The following MEI1 variants were observed in gnomAD, a reference collection of about 807,000 sequenced individuals.
MEI1 encodes the protein meiotic double-stranded break formation protein 1, also known as meiosis inhibitor protein 1.
A neutral mutation model predicts 146.2 loss-of-function variants in MEI1; 103 were observed. The observed-to-expected ratio is 0.70, with a 90% CI of 0.60 to 0.83. The LOEUF is 0.83. MEI1 is among the 40% of genes least tolerant of loss of function. The pLI, the probability that MEI1 is intolerant of heterozygous loss-of-function variation, is 0.00. For synonymous variants in MEI1, 652 were observed against 628.2 expected (o/e 1.04, Z -0.57); for missense variants, 1,529 against 1,533.0 (o/e 1.00, Z 0.04).
chr22:41,775,978 G>T (rs935528370), intron 20 of MEI1, 124 bp from the exon 21 acceptor site: 95 of 942,710 alleles, frequency 1.0e-4, no homozygotes, highest in Middle Eastern at 4.5e-4. Context: ...CTGAGTAAGT[G>T]ACAGATTACC....
intron 11 of MEI1, among the ~76,000 whole-genome samples, chr22:41,741,502 T>A (rs1315897722): frequency 6.6e-6 from 1 of 152,182 alleles, no homozygotes; most frequent in Non-Finnish European, 1.5e-5. Context: ...CTCTTCTGAG[T>A]CTATAGAATC....
At chr22:41,708,445 T>C (rs2069270587) in intron 3 of MEI1, among the ~76,000 whole-genome samples, 1 of 152,082 alleles carries the variant, frequency 6.6e-6, no homozygotes, top group Admixed American at 6.6e-5. Context: ...CCAGCTTTAT[T>C]AAAGATACTT....
intron 15 of MEI1, 116 bp downstream of exon 15, chr22:41,748,334 CTG>C: frequency 1.4e-6 from 1 of 720,412 alleles, no homozygotes; most frequent in Non-Finnish European, 2.5e-6. Flanking sequence ...CATTCAGAAT[CTG>C]TATCTATTCT....
chr22:41,756,805 C>A (rs989672687), intron 17 of MEI1, among the ~76,000 whole-genome samples: 16 of 152,214 alleles, frequency 1.1e-4, no homozygotes, highest in African/African-American at 3.6e-4. Flanking sequence ...TTAAAATATT[C>A]TTTCTTTTAT....
At chr22:41,738,806 T>TAGATA (rs2072609799) in intron 11 of MEI1, among the ~76,000 whole-genome samples, 1 of 40,204 alleles carries the variant, frequency 2.5e-5, no homozygotes, top group African/African-American at 3.1e-4. Flanking sequence ...AGTAATAAAA[T>TAGATA]AAATAAATAA....
chr22:41,786,388 A>G (rs1010730817), intron 26 of MEI1, among the ~76,000 whole-genome samples: 14 of 152,124 alleles, frequency 9.2e-5, no homozygotes, highest in Non-Finnish European at 1.8e-4. Context: ...ACAAAACTCA[A>G]TTTGGCTTAT....
intron 3 of MEI1, among the ~76,000 whole-genome samples, chr22:41,713,487 A>AG (rs955789168): frequency 4.0e-5 from 6 of 151,204 alleles, no homozygotes; most frequent in African/African-American, 1.2e-4. Context: ...TCAAAAGAAA[A>AG]AAAAAAAAGA....
intron 17 of MEI1, 145 bp downstream of exon 17, chr22:41,754,191 A>T: frequency 1.6e-6 from 1 of 628,712 alleles, no homozygotes; most frequent in East Asian, 2.8e-5. Context: ...TGATGCAATT[A>T]TAGGTTGATT....
chr22:41,770,556 GA>G (rs1355183213), intron 19 of MEI1, 129 bp from the exon 20 acceptor site: 1 of 823,566 alleles, frequency 1.2e-6, no homozygotes, highest in Admixed American at 2.9e-5. Flanking sequence ...AGTGCCTTGG[GA>G]TGAGCTAGCC....
chr22:41,705,461 C>T lies in MEI1; in HGVS notation c.299-43C>T, dbSNP rs56201088. 5,570 of 1,578,148 alleles carry T rather than the reference C, an allele frequency of 3.5e-3. 144 individuals are homozygous for T. The African/African-American group carries it at 0.058, about 16-fold the overall frequency. ...GCTGGGGTACAGATGTGTGCCACCG[C>T]GCCCTGCCTAACCACCCCTTTCTTA... On this transcript the variant is annotated intron_variant, in intron 2 of 30. Coordinates refer to ENST00000401548, the MANE Select transcript of MEI1 (RefSeq NM_152513.4).
At chr22:41,716,752 C>T (rs868456698) in intron 5 of MEI1, among the ~76,000 whole-genome samples, 2 of 145,616 alleles carry the variant, frequency 1.4e-5, no homozygotes, top group Non-Finnish European at 3.0e-5. Context: ...TGCAGTGGCG[C>T]GATCTCGGCT....
intron 21 of MEI1, among the ~76,000 whole-genome samples, chr22:41,778,239 A>G (rs2075569457): frequency 6.6e-6 from 1 of 152,184 alleles, no homozygotes. Flanking sequence ...CATCCCATTC[A>G]TGAAGATTCT....
At position 41,753,967 on chromosome 22, in the gene MEI1, G is replaced by T; in HGVS notation, c.1872G>T (p.Gln624His). 1.2e-6 allele frequency: 2 copies of T among 1,612,950 alleles called. No homozygotes were observed. Among genetic ancestry groups the T allele is most frequent in the South Asian group, 2.2e-5 (2 of 91,040 alleles). The change falls in exon 17 of 31, where the codon CAG becomes CAT. Residue 624 changes from glutamine (Q) to histidine (H), a missense_variant. Around this residue, in one of 3 missense-constraint regions of MEI1, gnomAD observed 1,212 missense variants for 1,178.9 expected, o/e 1.03. Coordinates refer to ENST00000401548, the MANE Select transcript of MEI1 (RefSeq NM_152513.4). The part of the protein sequence containing the change: ...CSGLSHSALN[Q>H]VCSNFLYYMC... Reference sequence around the variant, plus strand: ...CTCTAAGTCACTCAGCCCTAAACCAGGTGTGTTCCAATTTCCTCTACTATA... The same window carrying T: ...CTCTAAGTCACTCAGCCCTAAACCATGTGTGTTCCAATTTCCTCTACTATA...
At chr22:41,734,320 C>T (rs5996057) in intron 11 of MEI1, among the ~76,000 whole-genome samples, 27,068 of 151,870 alleles carry the variant, frequency 0.18, 7,419 homozygotes, top group African/African-American at 0.59. Context: ...AGACGGGGCG[C>T]GGTGGCTCAC....
chr22:41,748,992 G>A (rs902766757), intron 15 of MEI1, among the ~76,000 whole-genome samples: 5 of 152,022 alleles, frequency 3.3e-5, no homozygotes, highest in African/African-American at 9.7e-5. Context: ...TTTTAGTAGA[G>A]ACGGGGTTTC....
chr22:41,746,193 GTGT>G, intron 14 of MEI1, 167 bp downstream of exon 14: 1 of 538,168 alleles, frequency 1.9e-6, no homozygotes, highest in Admixed American at 3.6e-5. Context: ...ATAAAATGTA[GTGT>G]TTGATTATGA....
At chr22:41,779,732 G>A (rs541703116) in intron 22 of MEI1, among the ~76,000 whole-genome samples, 15 of 152,046 alleles carry the variant, frequency 9.9e-5, no homozygotes, top group African/African-American at 3.4e-4. Context: ...TTTTTTCCTG[G>A]CACAAGGTCA....
At chr22:41,707,753 A>G (rs757164603) in intron 3 of MEI1, among the ~76,000 whole-genome samples, 1 of 152,206 alleles carries the variant, frequency 6.6e-6, no homozygotes, top group Non-Finnish European at 1.5e-5. Flanking sequence ...AAAAGGAAGG[A>G]GCAAATCCCT....
chr22:41,783,416 C>T (rs1017342610), intron 24 of MEI1, among the ~76,000 whole-genome samples: 3 of 152,066 alleles, frequency 2.0e-5, no homozygotes, highest in Admixed American at 6.5e-5. Flanking sequence ...CCTCAGCCTC[C>T]CTAGTAGCTG....
Sources: allele counts gnomAD v4.1 joint callset (sites outside exome capture counted in the v4.1 genomes callset), GRCh38; gene constraint gnomAD v4.1.1; regional missense constraint gnomAD v4.1.1; transcripts MANE v1.5; gene names NCBI Gene and HGNC (gene_info 2026-07-23, HGNC 2026-07-21).